The following HIBADH variants were observed in gnomAD, a reference collection of about 807,000 sequenced individuals.
The protein encoded by HIBADH is 3-hydroxyisobutyrate dehydrogenase.
HIBADH carries 25 observed loss-of-function variants against 36.1 expected under a neutral mutation model. The observed-to-expected ratio is 0.69, with a 90% CI of 0.50 to 0.97. The LOEUF (loss-of-function observed/expected upper bound fraction) is 0.97, where lower values mean the gene tolerates loss of function less well. Ranked by LOEUF, HIBADH falls within the 50% of genes least tolerant of loss-of-function variation. HIBADH has a pLI of 0.00. For missense variants in HIBADH, 421 were observed against 418.0 expected (o/e 1.01, Z -0.06); for synonymous variants, 160 against 149.5 (o/e 1.07, Z -0.51).
At chr7:27,635,929 C>A (rs1218464641) in intron 2 of HIBADH, among the ~76,000 whole-genome samples, 2 of 152,190 alleles carry the variant, frequency 1.3e-5, no homozygotes, top group Non-Finnish European at 2.9e-5. Context: ...TTTAAGAATT[C>A]TTGCAGCCAA....
rs755920763 is a variant in HIBADH at position 27,531,188 on chromosome 7, A to G, written c.852+4T>C. 1.2e-6 allele frequency: 2 copies of G among 1,610,944 alleles called. No individual in the cohort carries two copies. On this transcript the variant is annotated splice_donor_region_variant and intron_variant, in intron 7 of 7. Coordinates refer to ENST00000265395, the MANE Select transcript of HIBADH (RefSeq NM_152740.4). ...TCTCTCTTGGGTGTCTACATTTACCATACCTTAGCCATGAGTGTTGTTCCA... is the reference window on the plus strand; with the variant it reads ...TCTCTCTTGGGTGTCTACATTTACCGTACCTTAGCCATGAGTGTTGTTCCA...
At chr7:27,603,198 A>G (rs1785161492) in intron 4 of HIBADH, among the ~76,000 whole-genome samples, 1 of 152,162 alleles carries the variant, frequency 6.6e-6, no homozygotes, top group African/African-American at 2.4e-5. Flanking sequence ...TTGTCAGTTA[A>G]TATCTCTTCT....
chr7:27,564,948 T>G (rs1218997140), intron 4 of HIBADH, among the ~76,000 whole-genome samples: 1 of 152,208 alleles, frequency 6.6e-6, no homozygotes, highest in Non-Finnish European at 1.5e-5. Flanking sequence ...ATTTCTGATG[T>G]TTTGAAATCT....
At chr7:27,629,326 T>C (rs754101868) in intron 4 of HIBADH, 45 bp downstream of exon 4, 3 of 1,581,562 alleles carry the variant, frequency 1.9e-6, no homozygotes, top group East Asian at 2.3e-5. Context: ...ATTGCTACTT[T>C]TGACAAACAT....
At chr7:27,561,946 G>A (rs548096552) in intron 4 of HIBADH, among the ~76,000 whole-genome samples, 13 of 151,942 alleles carry the variant, frequency 8.6e-5, no homozygotes, top group Non-Finnish European at 1.6e-4. Flanking sequence ...TCTTTTGATT[G>A]GAATTTGCAT....
At chr7:27,556,282 GTTTC>G (rs1490381833) in intron 4 of HIBADH, among the ~76,000 whole-genome samples, 1 of 152,104 alleles carries the variant, frequency 6.6e-6, no homozygotes, top group Admixed American at 6.6e-5. Context: ...TGCCTATCAT[GTTTC>G]TTTACTTTTC....
intron 6 of HIBADH, among the ~76,000 whole-genome samples, 173 bp from the exon 7 acceptor site, chr7:27,531,521 C>T (rs543781288): frequency 2.0e-5 from 3 of 152,180 alleles, no homozygotes; most frequent in African/African-American, 7.2e-5. Context: ...GAGTACTAAA[C>T]ACTACTGGTT....
chr7:27,628,556 A>C (rs1163170781), intron 4 of HIBADH, among the ~76,000 whole-genome samples: 1 of 152,122 alleles, frequency 6.6e-6, no homozygotes, highest in African/African-American at 2.4e-5. Flanking sequence ...ACCTGCTATT[A>C]ATGTATGAGT....
chr7:27,643,246 A>G (rs1439636853), intron 2 of HIBADH, among the ~76,000 whole-genome samples: 2 of 152,198 alleles, frequency 1.3e-5, no homozygotes, highest in East Asian at 3.9e-4. Context: ...GGTAGTCTAC[A>G]GTAGCCTTAA....
intron 1 of HIBADH, among the ~76,000 whole-genome samples, chr7:27,656,564 TAA>T (rs1312554452): frequency 6.6e-6 from 1 of 152,148 alleles, no homozygotes; most frequent in Non-Finnish European, 1.5e-5. Context: ...GGATACAGTA[TAA>T]GAGAAGAAAA....
chr7:27,564,178 G>A (rs1035538498), intron 4 of HIBADH, among the ~76,000 whole-genome samples: 7 of 152,096 alleles, frequency 4.6e-5, no homozygotes, highest in South Asian at 2.1e-4. Context: ...GATTACAGGC[G>A]TGAGCCACCG....
chr7:27,658,473 G>GT (rs1179594613), intron 1 of HIBADH, among the ~76,000 whole-genome samples: 15 of 152,132 alleles, frequency 9.9e-5, no homozygotes, highest in African/African-American at 3.6e-4. Context: ...TTTCTCCAAT[G>GT]TAACAAGGGG....
At chr7:27,548,587 G>A (rs10486547) in intron 4 of HIBADH, among the ~76,000 whole-genome samples, 5,735 of 152,138 alleles carry the variant, frequency 0.038, 151 homozygotes, top group African/African-American at 0.08. Context: ...AAGATTCAAC[G>A]AGTAAACATA....
chr7:27,572,131 T>TTAAC (rs1203176908), intron 4 of HIBADH, among the ~76,000 whole-genome samples: 1 of 152,192 alleles, frequency 6.6e-6, no homozygotes, highest in African/African-American at 2.4e-5. Context: ...CTCACAAATG[T>TTAAC]TAACGTCCAG....
chr7:27,594,924 C>T (rs1030273722), intron 4 of HIBADH, among the ~76,000 whole-genome samples: 1 of 152,088 alleles, frequency 6.6e-6, no homozygotes, highest in African/African-American at 2.4e-5. Context: ...CTCACCCCTT[C>T]AACTAAAATA....
intron 3 of HIBADH, among the ~76,000 whole-genome samples, chr7:27,631,221 A>G (rs1204351322): frequency 6.6e-6 from 1 of 152,214 alleles, no homozygotes; most frequent in African/African-American, 2.4e-5. Flanking sequence ...GTAACAGGCT[A>G]GGTAACAGGA....
At chr7:27,558,817 T>G (rs1784428287) in intron 4 of HIBADH, among the ~76,000 whole-genome samples, 2 of 152,274 alleles carry the variant, frequency 1.3e-5, no homozygotes, top group South Asian at 4.1e-4. Context: ...ATATTTTTTA[T>G]GTAAAATGTT....
intron 4 of HIBADH, among the ~76,000 whole-genome samples, chr7:27,612,319 T>C (rs1271415229): frequency 6.6e-6 from 1 of 151,186 alleles, no homozygotes; most frequent in Non-Finnish European, 1.5e-5. Context: ...CTTTTTCTTT[T>C]CCTTTTTTTT....
At chr7:27,626,486 A>G (rs1165689982) in intron 4 of HIBADH, among the ~76,000 whole-genome samples, 1 of 152,206 alleles carries the variant, frequency 6.6e-6, no homozygotes, top group African/African-American at 2.4e-5. Context: ...TAATGTACAC[A>G]GGAGCCATTA....
Sources: gnomAD v4.1 joint callset for allele counts (sites outside exome capture counted in the v4.1 genomes callset) on GRCh38, gnomAD v4.1.1 for gene constraint, MANE v1.5 for transcripts, NCBI Gene and HGNC (gene_info 2026-07-23, HGNC 2026-07-21) for gene names.